Variants in KLF13 observed in about 807,000 individuals in gnomAD.
KLF13 encodes Krueppel-like factor 13.
A neutral mutation model predicts 16.7 loss-of-function variants in KLF13; 8 were observed. The ratio of observed to expected loss-of-function variants is 0.48; its 90% CI spans 0.28 to 0.87. The LOEUF is 0.87. Among genes scored for constraint, KLF13 ranks in the 40% least tolerant of loss-of-function variants. The pLI is 0.10. For missense variants in KLF13, 447 were observed against 452.2 expected, an observed-to-expected ratio of 0.99 and a Z score of 0.10; for synonymous variants, 245 against 208.4, an observed-to-expected ratio of 1.18 and a Z score of -1.51.
intron 1 of KLF13, among the ~76,000 whole-genome samples, chr15:31,344,394 G>T (rs1413983827): frequency 6.6e-6 from 1 of 152,158 alleles, no homozygotes; most frequent in African/African-American, 2.4e-5. Flanking sequence ...CATGTGTCTG[G>T]CTGGCAAGGG....
chr15:31,434,888 T>A (rs2040511864), intron 1 of KLF13, among the ~76,000 whole-genome samples: 1 of 152,236 alleles, frequency 6.6e-6, no homozygotes, highest in South Asian at 2.1e-4. Context: ...CCTGCATGGG[T>A]GTCCCCCTTT....
chr15:31,423,645 C>G (rs553686808), intron 1 of KLF13, among the ~76,000 whole-genome samples: 93 of 152,122 alleles, frequency 6.1e-4, no homozygotes, highest in African/African-American at 2.2e-3. Flanking sequence ...AAAAAAGGAA[C>G]TTGAACAACA....
intron 1 of KLF13, among the ~76,000 whole-genome samples, chr15:31,342,144 T>A (rs1413800210): frequency 6.6e-6 from 1 of 152,150 alleles, no homozygotes; most frequent in Non-Finnish European, 1.5e-5. Flanking sequence ...AGAACAGTTC[T>A]GGACAAGTCC....
intron 1 of KLF13, among the ~76,000 whole-genome samples, chr15:31,434,535 G>T (rs988060469): frequency 1.3e-5 from 2 of 152,162 alleles, no homozygotes; most frequent in Non-Finnish European, 2.9e-5. Context: ...GGTGGGAGAG[G>T]CTTGGAACTG....
downstream of KLF13, among the ~76,000 whole-genome samples, chr15:31,381,753 A>C (rs1187194994): frequency 4.6e-5 from 7 of 152,234 alleles, no homozygotes; most frequent in African/African-American, 1.7e-4. Context: ...GTCATCCTTC[A>C]TAGTATTCCC....
At chr15:31,329,261 G>T (rs1308925973) in intron 1 of KLF13, among the ~76,000 whole-genome samples, 2 of 151,324 alleles carry the variant, frequency 1.3e-5, no homozygotes, top group African/African-American at 4.9e-5. Context: ...CGGCTGCAGG[G>T]TGGGTGTGGC....
chr15:31,422,132 CAAA>C (rs72041709), intron 1 of KLF13, among the ~76,000 whole-genome samples: 33,471 of 77,554 alleles, frequency 0.43, 4,341 homozygotes, highest in East Asian at 0.59. Context: ...AACAAACAAA[CAAA>C]AAAAAAAAAA....
chr15:31,327,441 G>C lies in KLF13; in HGVS notation c.229G>C (p.Ala77Pro), dbSNP rs1179367127. ...ILADLNQQAP[A>P]PAPAERREGA... ...AGCGGACCTCAACCAGCAAGCGCCG[G>C]CGCCCGCCCCGGCGGAGCGCAGGGA... The change falls in exon 1 of 2, where the codon GCG becomes CCG. Residue 77 changes from alanine (A) to proline (P), a missense_variant. Physicochemically the swap from Ala to Pro is conservative, Grantham distance 27 (BLOSUM62 -1). Coordinates refer to ENST00000307145, the MANE Select transcript of KLF13 (RefSeq NM_015995.4). 4.0e-6 allele frequency: 5 copies of C among 1,241,550 alleles called. No individual in the cohort carries two copies. The highest frequency in any genetic ancestry group is 5.0e-6 in the Non-Finnish European group (5 of 992,126). 76.9% of individuals were successfully genotyped at this position (1,241,550 alleles called of 1,614,324 possible).
At position 31,371,117 on chromosome 15, in the gene KLF13, G is replaced by GC. The variant is rs534701179; in HGVS notation, c.578-887dup. Among the ~76,000 whole-genome samples the GC allele has an allele frequency of 2.0e-4, 30 of 152,302 alleles. 1 individual carries two copies. The South Asian group carries it at 4.6e-3, about 23-fold the overall frequency. On this transcript the variant is annotated intron_variant, in intron 1 of 1. Transcript: ENST00000307145. ...AAGGGCTCGTTTCTGGGGTGCCAGA[G>GC]CCCCCCACCCTGGTTCTTCCTGAGC...
In KLF13 at chr15:31,327,132, C is replaced by G. The variant is rs2038723335; in HGVS notation, c.-81C>G. The G allele has an allele frequency of 1.7e-6, 2 of 1,172,166 alleles. No homozygotes were observed. The highest frequency in any genetic ancestry group is 1.6e-5 in the African/African-American group (1 of 61,328). The allele number at this position is 1,172,166 out of a possible 1,614,324, so 72.6% of individuals were successfully genotyped here. ...GGGCGCGCCGCGCCCCCGCCCCCCG[C>G]CCGCTCTCCCGAGGCCGTGGGTGCG... On this transcript the variant is annotated 5_prime_UTR_variant, in exon 1 of 2. Coordinates refer to ENST00000307145, the MANE Select transcript of KLF13 (RefSeq NM_015995.4).
intron 1 of KLF13, among the ~76,000 whole-genome samples, chr15:31,344,928 G>T (rs2039087915): frequency 6.6e-6 from 1 of 152,194 alleles, no homozygotes; most frequent in Non-Finnish European, 1.5e-5. Context: ...AAGGTTCCAG[G>T]GTTCAGCCCA....
At chr15:31,395,291 T>C (rs1255541000) in intron 2 of KLF13, among the ~76,000 whole-genome samples, 1 of 152,206 alleles carries the variant, frequency 6.6e-6, no homozygotes, top group Non-Finnish European at 1.5e-5. Context: ...CTACTCACTA[T>C]TATGGCTTGA....
upstream of KLF13, among the ~76,000 whole-genome samples, chr15:31,392,199 A>G (rs2039881503): frequency 6.6e-6 from 1 of 152,176 alleles, no homozygotes; most frequent in African/African-American, 2.4e-5. Flanking sequence ...GCCCACGGCG[A>G]GCTCAGATGA....
chr15:31,434,315 G>C (rs1179261834), intron 1 of KLF13, among the ~76,000 whole-genome samples: 1 of 152,198 alleles, frequency 6.6e-6, no homozygotes, highest in Admixed American at 6.5e-5. Context: ...CAGCAGGAGA[G>C]AGACTTGCCA....
At chr15:31,380,845 A>G (rs1385006402), downstream of KLF13, among the ~76,000 whole-genome samples, 1 of 152,336 alleles carries the variant, frequency 6.6e-6, no homozygotes, top group East Asian at 1.9e-4. Context: ...AGGTTTGTAC[A>G]GAAGACAGTG....
chr15:31,367,801 T>C (rs2039499211), intron 1 of KLF13, among the ~76,000 whole-genome samples: 1 of 152,206 alleles, frequency 6.6e-6, no homozygotes. Context: ...CGCAGCCCCA[T>C]GGGATCACTG....
rs778349475 is a variant in KLF13, at chr15:31,327,827, G to A, written c.577+38G>A. The A allele has an allele frequency of 2.9e-6, 4 of 1,401,602 alleles. No individual in the cohort carries two copies. The East Asian group carries it at 1.2e-4, about 43-fold the overall frequency. The allele number at this position is 1,401,602 out of a possible 1,614,324, so 86.8% of individuals were successfully genotyped here. A position where few individuals can be genotyped will look rare whatever the true frequency, so the allele number is the denominator to read the frequency against. On this transcript the variant is annotated intron_variant, in intron 1 of 1. Coordinates refer to ENST00000307145, the MANE Select transcript of KLF13 (RefSeq NM_015995.4). ...GCGCGGGCGCCCGGATCGCGCGGAC[G>A]GGGTCGGCGCGAGCTGCCCGACCAC...
chr15:31,386,122 A>G (rs1262061684), intron 1 of KLF13, among the ~76,000 whole-genome samples: 2 of 152,264 alleles, frequency 1.3e-5, no homozygotes, highest in Non-Finnish European at 2.9e-5. Context: ...CTTTCTTTCA[A>G]TTCTACAAAG....
Position 31,430,945 on chromosome 15 carries a change from G to A in KLF13, n.118-4425G>A, listed in dbSNP as rs2040464464. On this transcript the variant is annotated intron_variant and non_coding_transcript_variant, in intron 1 of 1. Coordinates refer to the KLF13 transcript ENST00000558225. Reference sequence around the variant, plus strand: ...TAAAGCTGAAGACAAGTACACTCATGAGCCTCCAATTCATCATAGCCCCTG... The same window carrying A: ...TAAAGCTGAAGACAAGTACACTCATAAGCCTCCAATTCATCATAGCCCCTG... Among the ~76,000 whole-genome samples the A allele has an allele frequency of 1.3e-5, 2 of 152,152 alleles. 1 individual carries two copies. Among genetic ancestry groups the A allele is most frequent in the South Asian group, 4.1e-4 (2 of 4,824 alleles).
Sources: allele counts gnomAD v4.1 joint callset (sites outside exome capture counted in the v4.1 genomes callset), GRCh38; gene constraint gnomAD v4.1.1; transcripts MANE v1.5; gene names NCBI Gene and HGNC (gene_info 2026-07-23, HGNC 2026-07-21).